The following TRPM1 variants were observed in gnomAD, a reference collection of about 807,000 sequenced individuals.
The protein encoded by TRPM1 is transient receptor potential cation channel subfamily M member 1.
In TRPM1, 113 loss-of-function variants were observed where a neutral mutation model predicts 149.4. That is an observed-to-expected ratio of 0.76 (90% CI 0.65 to 0.88). The LOEUF (loss-of-function observed/expected upper bound fraction) is 0.88. Ranked by LOEUF, TRPM1 falls within the 40% of genes least tolerant of loss-of-function variation. TRPM1 has a pLI of 0.00. For missense variants in TRPM1, 1,976 were observed against 2,038.7 expected (o/e 0.97, Z 0.59); for synonymous variants, 741 against 759.5 (o/e 0.98, Z 0.40).
chr15:31,082,134 G>C (rs1444620476), intron 1 of TRPM1, among the ~76,000 whole-genome samples: 2 of 152,182 alleles, frequency 1.3e-5, no homozygotes, highest in Non-Finnish European at 2.9e-5. Flanking sequence ...CTTGTGAAAG[G>C]AGAAAGCAGG....
At chr15:31,113,458 G>C (rs1048096104) in intron 1 of TRPM1, among the ~76,000 whole-genome samples, 1 of 151,126 alleles carries the variant, frequency 6.6e-6, no homozygotes, top group Non-Finnish European at 1.5e-5. Flanking sequence ...AATCTCTAAG[G>C]TATAGAGATA....
At chr15:31,096,584 G>C (rs17228129) in intron 1 of TRPM1, among the ~76,000 whole-genome samples, 1 of 152,070 alleles carries the variant, frequency 6.6e-6, no homozygotes, top group Non-Finnish European at 1.5e-5. Flanking sequence ...TTGTGTTAAG[G>C]AGCTCCCCTC....
intron 3 of TRPM1, among the ~76,000 whole-genome samples, chr15:31,076,542 T>C (rs1396975668): frequency 3.3e-5 from 5 of 152,208 alleles, no homozygotes; most frequent in South Asian, 4.1e-4. Context: ...ATCTTTCCTG[T>C]GATGGAAATT....
rs183853784 is a variant in TRPM1, at chr15:31,081,441, A to G, written c.-83-3T>C. The G allele has an allele frequency of 1.3e-6, 2 of 1,528,148 alleles. No homozygotes were observed. The highest frequency in any genetic ancestry group is 2.0e-5 in the Admixed American group (1 of 50,792). The allele number at this position is 1,528,148 out of a possible 1,614,324, so 94.7% of individuals were successfully genotyped here. A position where few individuals can be genotyped will look rare whatever the true frequency, so the allele number is the denominator to read the frequency against. On this transcript the variant is annotated splice_region_variant and splice_polypyrimidine_tract_variant and intron_variant, in intron 1 of 27. Coordinates refer to ENST00000256552, the MANE Select transcript of TRPM1 (RefSeq NM_001252024.2). ...AGTCCTCAGAAATCTTCTAGAACCT[A>G]CGAGGATAAACAAGAGGAGTAAGAG...
chr15:31,038,475 G>A (rs1428935710), intron 18 of TRPM1, among the ~76,000 whole-genome samples: 1 of 152,238 alleles, frequency 6.6e-6, no homozygotes, highest in Non-Finnish European at 1.5e-5. Context: ...ACTTTTGGGA[G>A]GCCAAGGTTG....
intron 1 of TRPM1, among the ~76,000 whole-genome samples, chr15:31,108,827 A>G (rs1216769284): frequency 6.6e-6 from 1 of 152,172 alleles, no homozygotes; most frequent in East Asian, 1.9e-4. Flanking sequence ...GTTCCTACAT[A>G]CCAAATATGG....
At chr15:31,063,038 C>A in intron 8 of TRPM1, 80 bp downstream of exon 8, 2 of 1,565,584 alleles carry the variant, frequency 1.3e-6, no homozygotes, top group Non-Finnish European at 1.7e-6. Flanking sequence ...AATGTCTAAG[C>A]AGACCACTTT....
intron 27 of TRPM1, among the ~76,000 whole-genome samples, chr15:31,007,644 GCAGCGCAGCAACAACAACAACAA>G (rs1183034302): frequency 1.1e-4 from 6 of 55,220 alleles, no homozygotes; most frequent in African/African-American, 3.4e-4. Context: ...TATAACAACA[GCAGCGCAGCAACAACAACAACAA>G]CAACAACAAC....
intron 1 of TRPM1, among the ~76,000 whole-genome samples, chr15:31,088,771 A>G (rs555201323): frequency 1.2e-4 from 17 of 144,886 alleles, no homozygotes; most frequent in African/African-American, 3.3e-4. Flanking sequence ...GTTCCCAACC[A>G]TGGTATCAAA....
At chr15:31,147,140 C>T (rs1405205610) in intron 1 of TRPM1, among the ~76,000 whole-genome samples, 1 of 152,154 alleles carries the variant, frequency 6.6e-6, no homozygotes, top group Non-Finnish European at 1.5e-5. Flanking sequence ...TCTAGAATTG[C>T]AAATAAAGCC....
At chr15:31,060,681 A>G (rs1250161185) in intron 10 of TRPM1, 37 bp from the exon 11 acceptor site, 1 of 1,564,016 alleles carries the variant, frequency 6.4e-7, no homozygotes, top group South Asian at 1.1e-5. Context: ...TTTTCACTCC[A>G]CGCCTGGACC....
At chr15:31,060,774 C>T in intron 10 of TRPM1, 130 bp from the exon 11 acceptor site, 1 of 779,196 alleles carries the variant, frequency 1.3e-6, no homozygotes, top group Non-Finnish European at 2.2e-6. Flanking sequence ...TGGCTTTGCT[C>T]TTGCCCTGAA....
At chr15:31,024,166 C>T (rs1004661321) in intron 27 of TRPM1, among the ~76,000 whole-genome samples, 3 of 151,926 alleles carry the variant, frequency 2.0e-5, no homozygotes, top group South Asian at 2.1e-4. Context: ...AAGACACGAC[C>T]GAGAGAAGAG....
In TRPM1 at chr15:31,040,206, C is replaced by T. The variant is rs781460164; in HGVS notation, c.2228G>A (p.Arg743Gln). 3.2e-5 allele frequency: 51 copies of T among 1,614,058 alleles called. No individual in the cohort carries two copies. Among genetic ancestry groups the T allele is most frequent in the Non-Finnish European group, 3.9e-5 (46 of 1,180,048 alleles). The change falls in exon 18 of 28, where the codon CGG (arginine) becomes CAG (glutamine). Residue 743 changes from arginine (R) to glutamine (Q), a missense_variant. Physicochemically the swap from Arg to Gln is conservative, Grantham distance 43. Transcript: ENST00000256552. This position sits in a 1 kb window ranked among gnomAD's most constrained non-coding sequence, Gnocchi z 4.2. ...GCTGCAGGTGTGAGCAATGAAGTCC[C>T]GGTGTTTGGCTGCCACGGCCAGTTT... ...CLKLAVAAKH[R>Q]DFIAHTCSQM... is the part of the protein sequence containing the mutation.
intron 1 of TRPM1, among the ~76,000 whole-genome samples, chr15:31,123,660 C>T (rs941382313): frequency 8.5e-5 from 13 of 152,302 alleles, no homozygotes; most frequent in Admixed American, 2.6e-4. Context: ...GATACTACTA[C>T]GCATCTATTT....
At chr15:31,076,525 C>A (rs373127555) in intron 3 of TRPM1, among the ~76,000 whole-genome samples, 2 of 152,156 alleles carry the variant, frequency 1.3e-5, no homozygotes, top group African/African-American at 4.8e-5. Flanking sequence ...TTCATTCAAC[C>A]GCTCAGATCT....
intron 17 of TRPM1, among the ~76,000 whole-genome samples, chr15:31,041,340 CG>C (rs1567012888): frequency 2.0e-5 from 3 of 152,178 alleles, no homozygotes. Context: ...TTAGTAGAGA[CG>C]GGGTTTCACC....
At chr15:31,125,286 G>T (rs553516282) in intron 1 of TRPM1, among the ~76,000 whole-genome samples, 18 of 152,266 alleles carry the variant, frequency 1.2e-4, no homozygotes, top group Admixed American at 1.1e-3. Context: ...CAATATTGGC[G>T]CATCAGTTAG....
intron 1 of TRPM1, among the ~76,000 whole-genome samples, chr15:31,107,333 T>C (rs2035623208): frequency 6.6e-6 from 1 of 152,220 alleles, no homozygotes; most frequent in Admixed American, 6.5e-5. Flanking sequence ...TTTTAAAATC[T>C]GTTGGCATCC....
Sources: gnomAD v4.1 joint callset for allele counts (sites outside exome capture counted in the v4.1 genomes callset) on GRCh38, gnomAD v4.1.1 for gene constraint, Gnocchi (gnomAD v3.1) non-coding constraint, MANE v1.5 for transcripts, NCBI Gene and HGNC (gene_info 2026-07-23, HGNC 2026-07-21) for gene names.